The following TTC6 variants were observed in gnomAD, a reference collection of about 807,000 sequenced individuals.
The protein encoded by TTC6 is tetratricopeptide repeat protein 6.
Under a neutral mutation model 210.4 loss-of-function variants are expected in TTC6, and 172 were observed. The ratio of observed to expected loss-of-function variants is 0.82; its 90% CI spans 0.72 to 0.93. The LOEUF is 0.93. Among genes scored for constraint, TTC6 ranks in the 40% least tolerant of loss-of-function variants. The pLI, the probability that TTC6 is intolerant of heterozygous loss-of-function variation, is 0.00. For synonymous variants in TTC6, 804 were observed against 819.6 expected (o/e 0.98, Z 0.32); for missense variants, 2,414 against 2,318.1 (o/e 1.04, Z -0.85).
chr14:37,705,605 A>G (rs139098625), intron 5 of TTC6, among the ~76,000 whole-genome samples: 307 of 152,298 alleles, frequency 2.0e-3, no homozygotes, highest in African/African-American at 6.6e-3. Flanking sequence ...CCGAGTAATC[A>G]AATGATATGC....
intron 1 of TTC6, among the ~76,000 whole-genome samples, chr14:37,640,243 A>G (rs1293109598): frequency 2.0e-5 from 3 of 151,966 alleles, no homozygotes; most frequent in Non-Finnish European, 2.9e-5. Flanking sequence ...CTACCCAGAA[A>G]TGATTTTTTT....
At chr14:37,818,219 G>T (rs1041278490) in intron 26 of TTC6, among the ~76,000 whole-genome samples, 19 of 152,016 alleles carry the variant, frequency 1.2e-4, no homozygotes, top group African/African-American at 4.3e-4. Context: ...ATAAGTTATA[G>T]AAGAAGAGAT....
At chr14:37,730,548 T>C (rs1215450182) in intron 7 of TTC6, among the ~76,000 whole-genome samples, 1 of 152,230 alleles carries the variant, frequency 6.6e-6, no homozygotes, top group Admixed American at 6.5e-5. Context: ...AACTATGTTT[T>C]TCTGACTTTC....
chr14:37,710,152 C>T (rs1383232985), intron 5 of TTC6, among the ~76,000 whole-genome samples: 1 of 152,116 alleles, frequency 6.6e-6, no homozygotes, highest in Admixed American at 6.6e-5. Flanking sequence ...GAGCAACATC[C>T]TGTGAAGCCT....
chr14:37,764,791 G>A (rs1010023509), intron 14 of TTC6, among the ~76,000 whole-genome samples: 3 of 152,022 alleles, frequency 2.0e-5, no homozygotes, highest in Non-Finnish European at 2.9e-5. Flanking sequence ...ATGTTAAGGA[G>A]AGATAACTCT....
At chr14:37,752,706 A>G (rs2095955933) in intron 13 of TTC6, among the ~76,000 whole-genome samples, 1 of 152,088 alleles carries the variant, frequency 6.6e-6, no homozygotes, top group African/African-American at 2.4e-5. Context: ...GGCTAGATTA[A>G]TATATATTTT....
At chr14:37,599,497 A>G (rs2095611175) in intron 1 of TTC6, among the ~76,000 whole-genome samples, 1 of 152,126 alleles carries the variant, frequency 6.6e-6, no homozygotes, top group African/African-American at 2.4e-5. Flanking sequence ...ATTGAAGCAA[A>G]CAAACAAAAA....
At chr14:37,721,699 C>T (rs1339976996) in intron 6 of TTC6, among the ~76,000 whole-genome samples, 1 of 151,500 alleles carries the variant, frequency 6.6e-6, no homozygotes, top group African/African-American at 2.4e-5. Context: ...ACCATGGCCA[C>T]GGATATATTT....
intron 10 of TTC6, among the ~76,000 whole-genome samples, chr14:37,742,190 C>G (rs1309390385): frequency 6.6e-6 from 1 of 152,156 alleles, no homozygotes; most frequent in African/African-American, 2.4e-5. Context: ...CCTCTGAATG[C>G]ATCTTCTTGT....
intron 1 of TTC6, among the ~76,000 whole-genome samples, chr14:37,679,109 C>T (rs1184498524): frequency 6.6e-6 from 1 of 152,068 alleles, no homozygotes; most frequent in Non-Finnish European, 1.5e-5. Flanking sequence ...GTAGTCCATG[C>T]CACTCAGGAG....
At chr14:37,619,894 A>T (rs147007452), upstream of TTC6, among the ~76,000 whole-genome samples, 357 of 152,252 alleles carry the variant, frequency 2.3e-3, 2 homozygotes, top group African/African-American at 8.0e-3. Context: ...ACTGGCATGA[A>T]ACCAAACCAG....
chr14:37,737,783 C>G (rs1258411392), intron 9 of TTC6, 49 bp downstream of exon 11: 1 of 1,036,598 alleles, frequency 9.6e-7, no homozygotes, highest in Non-Finnish European at 1.3e-6. Context: ...ATTTATATTC[C>G]TAGGAATAAT....
rs1003700355 is a variant in TTC6, at chr14:37,657,850, T to A, written c.940-22301T>A. ...TAACTCTATTACATAAAGGAGAGAG[T>A]TTGATTTTTTTTGTATGTACCAACC... On this transcript the variant is annotated intron_variant, in intron 1 of 30. Transcript: ENST00000553443. Among the ~76,000 whole-genome samples, 5 of 151,924 alleles carry A rather than the reference T, an allele frequency of 3.3e-5. No homozygotes were observed. In the East Asian group the frequency reaches 9.6e-4, roughly 29 times the overall value.
intron 1 of TTC6, among the ~76,000 whole-genome samples, chr14:37,663,721 A>G (rs2095742109): frequency 6.6e-6 from 1 of 152,092 alleles, no homozygotes; most frequent in African/African-American, 2.4e-5. Flanking sequence ...TGAGGAGGTC[A>G]TGTTCCCAAA....
chr14:37,625,421 G>A (rs1340660494), intron 1 of TTC6, among the ~76,000 whole-genome samples: 6 of 151,836 alleles, frequency 4.0e-5, no homozygotes, highest in African/African-American at 9.7e-5. Context: ...GGTGGCAGGC[G>A]CCTGTAATCA....
At chr14:37,670,399 T>C (rs979994216) in intron 1 of TTC6, among the ~76,000 whole-genome samples, 1 of 151,676 alleles carries the variant, frequency 6.6e-6, no homozygotes, top group African/African-American at 2.4e-5. Flanking sequence ...GGAGGGCATA[T>C]TAACTATTAC....
chr14:37,616,279 C>G (rs750706714), intron 2 of TTC6, among the ~76,000 whole-genome samples: 2 of 152,086 alleles, frequency 1.3e-5, no homozygotes, highest in Non-Finnish European at 2.9e-5. Context: ...GGCTCCTTTC[C>G]CTGATTCTTC....
intron 1 of TTC6, among the ~76,000 whole-genome samples, chr14:37,624,371 C>T (rs377379781): frequency 8.5e-5 from 13 of 152,240 alleles, no homozygotes; most frequent in African/African-American, 3.1e-4. Context: ...GGCCTCGGTG[C>T]CCCTACTTCT....
intron 1 of TTC6, among the ~76,000 whole-genome samples, chr14:37,602,656 G>A (rs2095617950): frequency 6.6e-6 from 1 of 152,110 alleles, no homozygotes; most frequent in Non-Finnish European, 1.5e-5. Flanking sequence ...TTCAGCCGTG[G>A]CTCCGATGCG....
Sources: allele counts gnomAD v4.1 joint callset (sites outside exome capture counted in the v4.1 genomes callset), GRCh38; gene constraint gnomAD v4.1.1; transcripts MANE v1.5; gene names NCBI Gene and HGNC (gene_info 2026-07-23, HGNC 2026-07-21).